Variants in TOPAZ1 observed in about 807,000 individuals in gnomAD.
The protein encoded by TOPAZ1 is testis and ovary specific TOPAZ 1, also known as protein TOPAZ1.
In TOPAZ1, 66 loss-of-function variants were observed where a neutral mutation model predicts 172.2. That is an observed-to-expected ratio of 0.38 (90% confidence interval 0.31 to 0.47). The LOEUF (loss-of-function observed/expected upper bound fraction) is 0.47. TOPAZ1 is among the 20% of genes least tolerant of loss of function. The pLI is 0.99. For missense variants in TOPAZ1, 1,822 were observed against 1,972.4 expected, an observed-to-expected ratio of 0.92 and a Z score of 1.44; for synonymous variants, 681 against 683.9, an observed-to-expected ratio of 1.00 and a Z score of 0.07.
chr3:44,254,890 T>G, intron 2 of TOPAZ1, 78 bp from the exon 3 acceptor site: 1 of 1,054,110 alleles, frequency 9.5e-7, no homozygotes, highest in Non-Finnish European at 1.4e-6. Flanking sequence ...CTAAAGTGAC[T>G]ATTATTAATG....
intron 11 of TOPAZ1, 83 bp downstream of exon 11, chr3:44,287,922 G>A: frequency 3.0e-6 from 2 of 661,516 alleles, no homozygotes; most frequent in Non-Finnish European, 5.1e-6. Context: ...CCCTTGAGCT[G>A]CCTTTTATTC....
intron 2 of TOPAZ1, among the ~76,000 whole-genome samples, chr3:44,249,768 T>C (rs1326601166): frequency 6.6e-6 from 1 of 152,202 alleles, no homozygotes; most frequent in Non-Finnish European, 1.5e-5. Flanking sequence ...TTGAATTAGA[T>C]TACATGTAAA....
rs1347055033 is a variant in TOPAZ1 at position 44,331,885 on chromosome 3, C to T, written c.4953C>T (p.Phe1651=). The change falls in exon 20 of 20, where the codon TTC becomes TTT. Residue 1651 remains phenylalanine (F), a synonymous_variant. Coordinates refer to ENST00000309765, the MANE Select transcript of TOPAZ1 (RefSeq NM_001145030.2). ...MAARISDPKL[F]VKHMTVNVNK... is the part of the protein sequence containing the mutation. Reference sequence around the variant, plus strand: ...CTCGTATATCAGATCCAAAGCTTTTCGTTAAACACATGACTGTCAATGTTA... The same window carrying T: ...CTCGTATATCAGATCCAAAGCTTTTTGTTAAACACATGACTGTCAATGTTA... 10 of 1,551,680 alleles carry T rather than the reference C, an allele frequency of 6.4e-6. No individual in the cohort carries two copies. Among genetic ancestry groups the T allele is most frequent in the African/African-American group, 1.4e-5 (1 of 73,120 alleles).
chr3:44,257,561 A>G (rs1394930054), intron 4 of TOPAZ1, among the ~76,000 whole-genome samples: 9 of 148,334 alleles, frequency 6.1e-5, no homozygotes, highest in Non-Finnish European at 1.0e-4. Context: ...TCACTTGTCA[A>G]TTTTTAGGTT....
At chr3:44,311,801 A>G (rs917449005) in intron 16 of TOPAZ1, among the ~76,000 whole-genome samples, 3 of 152,182 alleles carry the variant, frequency 2.0e-5, no homozygotes, top group Admixed American at 2.0e-4. Flanking sequence ...TGAGATTAAT[A>G]CTCACTTGTA....
At chr3:44,307,664 T>C (rs1210325650) in intron 15 of TOPAZ1, among the ~76,000 whole-genome samples, 3 of 152,204 alleles carry the variant, frequency 2.0e-5, no homozygotes, top group African/African-American at 7.2e-5. Context: ...TTTTGTTACT[T>C]GCTGCTTTTA....
intron 4 of TOPAZ1, among the ~76,000 whole-genome samples, chr3:44,259,799 T>C (rs1699755141): frequency 6.6e-6 from 1 of 152,236 alleles, no homozygotes; most frequent in Non-Finnish European, 1.5e-5. Context: ...TTAGTTTTAA[T>C]ATGCATTTCT....
intron 12 of TOPAZ1, among the ~76,000 whole-genome samples, chr3:44,298,613 A>G (rs1296545320): frequency 2.0e-5 from 3 of 151,868 alleles, no homozygotes; most frequent in Non-Finnish European, 4.4e-5. Flanking sequence ...ATAAACCACT[A>G]CTAATATGTT....
chr3:44,248,792 T>A (rs1184379306), intron 2 of TOPAZ1, among the ~76,000 whole-genome samples: 1 of 152,208 alleles, frequency 6.6e-6, no homozygotes, highest in South Asian at 2.1e-4. Flanking sequence ...GCCCATATAT[T>A]GTCAGAAACT....
At chr3:44,318,901 T>C (rs1397881291) in intron 16 of TOPAZ1, among the ~76,000 whole-genome samples, 5 of 151,296 alleles carry the variant, frequency 3.3e-5, no homozygotes, top group Non-Finnish European at 5.9e-5. Context: ...TAATGCTTCC[T>C]GAAGCCTTTG....
At chr3:44,335,330 A>T (rs912010733), downstream of TOPAZ1, among the ~76,000 whole-genome samples, 2 of 151,948 alleles carry the variant, frequency 1.3e-5, no homozygotes, top group Non-Finnish European at 2.9e-5. Flanking sequence ...GTTTTTTTTT[A>T]AATATGCTAT....
At chr3:44,281,833 A>T in intron 8 of TOPAZ1, 135 bp from the exon 9 acceptor site, 1 of 562,386 alleles carries the variant, frequency 1.8e-6, no homozygotes, top group Non-Finnish European at 3.1e-6. Context: ...AGTTAACCAA[A>T]CATCAGCTTC....
rs1700172532 is a variant in TOPAZ1, at chr3:44,294,477, C to T, written c.3797+3591C>T. ...TTTTCTTGACTCTTTGAAATAATCA[C>T]CCTATTCTGCACTAGGCAATTATTT... On this transcript the variant is annotated intron_variant, in intron 12 of 19. Transcript: ENST00000309765. 2.6e-5 allele frequency among the ~76,000 whole-genome samples: 4 copies of T among 152,030 alleles called. No homozygotes were observed. The South Asian group carries it at 8.3e-4, about 32-fold the overall frequency.
chr3:44,324,964 G>A (rs929437209), intron 18 of TOPAZ1, among the ~76,000 whole-genome samples: 1 of 152,090 alleles, frequency 6.6e-6, no homozygotes, highest in African/African-American at 2.4e-5. Context: ...TTCATATGCA[G>A]TGTAACTTCT....
chr3:44,281,796 G>A (rs907782106), intron 8 of TOPAZ1, among the ~76,000 whole-genome samples, 172 bp from the exon 9 acceptor site: 1 of 152,176 alleles, frequency 6.6e-6, no homozygotes, highest in African/African-American at 2.4e-5. Flanking sequence ...TTTTTGTAAT[G>A]AATTCAATAT....
At chr3:44,293,239 G>A (rs781362112) in intron 12 of TOPAZ1, among the ~76,000 whole-genome samples, 1 of 152,156 alleles carries the variant, frequency 6.6e-6, no homozygotes, top group African/African-American at 2.4e-5. Flanking sequence ...TAATAAATTA[G>A]TGTTACTGGT....
chr3:44,288,947 A>G (rs960583193), intron 11 of TOPAZ1, among the ~76,000 whole-genome samples: 1 of 152,156 alleles, frequency 6.6e-6, no homozygotes. Context: ...ATAACACCAT[A>G]ATATCATCAT....
intron 13 of TOPAZ1, among the ~76,000 whole-genome samples, chr3:44,304,934 T>G (rs1303118379): frequency 1.3e-5 from 2 of 152,186 alleles, no homozygotes; most frequent in African/African-American, 4.8e-5. Flanking sequence ...TATTTGGAAT[T>G]TATAGAGGCT....
chr3:44,258,293 C>T (rs1699738138), intron 4 of TOPAZ1, among the ~76,000 whole-genome samples: 1 of 152,190 alleles, frequency 6.6e-6, no homozygotes, highest in South Asian at 2.1e-4. Context: ...TCTATCTACC[C>T]TTTACCTAGT....
Sources: allele counts gnomAD v4.1 joint callset (sites outside exome capture counted in the v4.1 genomes callset), GRCh38; gene constraint gnomAD v4.1.1; transcripts MANE v1.5; gene names NCBI Gene and HGNC (gene_info 2026-07-23, HGNC 2026-07-21).